COL19A1: variants seen among roughly 807,000 people sequenced by gnomAD.
COL19A1 encodes the protein collagen alpha-1(XIX) chain.
In COL19A1, 159 loss-of-function variants were observed where a neutral mutation model predicts 190.2. That is an observed-to-expected ratio of 0.84 (90% confidence interval 0.73 to 0.95). The LOEUF (loss-of-function observed/expected upper bound fraction) is 0.95, where lower values mean the gene tolerates loss of function less well. Ranked by LOEUF, COL19A1 falls within the 40% of genes least tolerant of loss-of-function variation. The probability of loss-of-function intolerance (pLI) is 0.00; values close to 1 mark genes in which losing one functional copy is unlikely to be tolerated. For missense variants in COL19A1, 1,418 were observed against 1,431.9 expected (o/e 0.99, Z 0.16); for synonymous variants, 509 against 458.9 (o/e 1.11, Z -1.39).
At chr6:70,193,696 T>C (rs899838619) in intron 48 of COL19A1, among the ~76,000 whole-genome samples, 25 of 152,220 alleles carry the variant, frequency 1.6e-4, no homozygotes, top group African/African-American at 5.3e-4. Context: ...CCTTTCCTTT[T>C]GTCTCTCTTG....
intron 11 of COL19A1, among the ~76,000 whole-genome samples, chr6:69,984,969 A>G (rs756729801): frequency 1.3e-5 from 2 of 152,166 alleles, no homozygotes; most frequent in Non-Finnish European, 2.9e-5. Context: ...GTAATTTAAG[A>G]GCTGCATTTA....
intron 15 of COL19A1, 144 bp from the exon 16 acceptor site, chr6:70,102,025 G>A: frequency 2.8e-6 from 2 of 716,278 alleles, no homozygotes; most frequent in Non-Finnish European, 2.4e-6. Context: ...TTTTAAAATT[G>A]ATATTTAAAA....
intron 15 of COL19A1, among the ~76,000 whole-genome samples, chr6:70,082,578 A>C (rs1303768932): frequency 2.0e-5 from 3 of 151,832 alleles, no homozygotes; most frequent in Non-Finnish European, 1.5e-5. Flanking sequence ...ACACCTGGCT[A>C]ATTTTGTATT....
At chr6:70,023,373 T>C (rs1328473297) in intron 11 of COL19A1, among the ~76,000 whole-genome samples, 1 of 152,166 alleles carries the variant, frequency 6.6e-6, no homozygotes, top group Non-Finnish European at 1.5e-5. Context: ...TGACCTCAAC[T>C]GATCCACCGG....
chr6:69,942,164 C>T (rs1001686492), intron 9 of COL19A1, among the ~76,000 whole-genome samples: 3 of 152,166 alleles, frequency 2.0e-5, no homozygotes, highest in African/African-American at 7.2e-5. Flanking sequence ...TTTGAGAATA[C>T]AACTTCCACA....
chr6:69,964,758 A>G (rs2150048655), intron 11 of COL19A1, among the ~76,000 whole-genome samples: 1 of 152,324 alleles, frequency 6.6e-6, no homozygotes, highest in Middle Eastern at 3.4e-3. Context: ...AGAAAAGACA[A>G]TATGTACCTT....
intron 15 of COL19A1, among the ~76,000 whole-genome samples, chr6:70,084,095 T>C (rs1782441748): frequency 6.6e-6 from 1 of 152,080 alleles, no homozygotes; most frequent in Non-Finnish European, 1.5e-5. Flanking sequence ...AAACAGATAA[T>C]CTATTATATG....
At chr6:70,095,625 A>G (rs991155005) in intron 15 of COL19A1, among the ~76,000 whole-genome samples, 10 of 152,168 alleles carry the variant, frequency 6.6e-5, no homozygotes, top group Non-Finnish European at 1.3e-4. Context: ...TGTGAAACAG[A>G]TCTCCAGAAC....
At chr6:69,991,430 A>T (rs1776616425) in intron 11 of COL19A1, among the ~76,000 whole-genome samples, 1 of 152,080 alleles carries the variant, frequency 6.6e-6, no homozygotes, top group South Asian at 2.1e-4. Flanking sequence ...TGCTGGGTCT[A>T]ATGGTAGTTT....
chr6:70,042,906 C>T (rs2150124970), intron 14 of COL19A1, among the ~76,000 whole-genome samples: 1 of 152,310 alleles, frequency 6.6e-6, no homozygotes, highest in Non-Finnish European at 1.5e-5. Context: ...GAGAGTGCAG[C>T]AATTCAGCCA....
chr6:70,040,719 T>G (rs1202346227), intron 14 of COL19A1, among the ~76,000 whole-genome samples: 3 of 152,176 alleles, frequency 2.0e-5, no homozygotes, highest in African/African-American at 7.2e-5. Context: ...AAGAGAAATC[T>G]GAGGCCTGTA....
chr6:69,921,823 T>G (rs1392861008), intron 4 of COL19A1, among the ~76,000 whole-genome samples: 1 of 151,488 alleles, frequency 6.6e-6, no homozygotes, highest in Non-Finnish European at 1.5e-5. Flanking sequence ...TAGATTCGTA[T>G]ATATATTCGT....
chr6:70,130,053 C>T, intron 17 of COL19A1, 129 bp from the exon 18 acceptor site: 1 of 824,028 alleles, frequency 1.2e-6, no homozygotes, highest in Non-Finnish European at 1.9e-6. Flanking sequence ...AAGATGTCTG[C>T]ACAAATGACC....
chr6:69,989,553 C>CTTTTTT lies in COL19A1; in HGVS notation c.1026+26694_1026+26699dup, dbSNP rs3072698. Among the ~76,000 whole-genome samples, 773 of 126,266 alleles carry CTTTTTT rather than the reference C, an allele frequency of 6.1e-3. 13 individuals carry two copies. The East Asian group carries it at 0.062, about 10-fold the overall frequency. 82.8% of individuals were successfully genotyped at this position (126,266 alleles called of 152,430 possible). A position where few individuals can be genotyped will look rare whatever the true frequency, so the allele number is the denominator to read the frequency against. On this transcript the variant is annotated intron_variant, in intron 11 of 50. Coordinates refer to ENST00000620364, the MANE Select transcript of COL19A1 (RefSeq NM_001858.6). ...AAACTAACATAATGAGAGTTTTTTA[C>CTTTTTT]TTTTTTTTTTTTTTTTGCTCATCAG...
chr6:69,992,694 G>T (rs1776696037), intron 11 of COL19A1, among the ~76,000 whole-genome samples: 2 of 151,932 alleles, frequency 1.3e-5, no homozygotes, highest in Admixed American at 1.3e-4. Flanking sequence ...CTATTCCCAG[G>T]TATTTTATTC....
At chr6:70,153,959 C>G (rs1368348842) in intron 31 of COL19A1, among the ~76,000 whole-genome samples, 1 of 152,012 alleles carries the variant, frequency 6.6e-6, no homozygotes, top group Non-Finnish European at 1.5e-5. Context: ...CTTTTTCACC[C>G]AGCATTTTTT....
chr6:69,913,611 A>C (rs924559574), intron 4 of COL19A1, among the ~76,000 whole-genome samples: 6 of 152,160 alleles, frequency 3.9e-5, no homozygotes, highest in African/African-American at 1.4e-4. Context: ...AGGTCAAAGC[A>C]ATTTGAGGAA....
intron 15 of COL19A1, among the ~76,000 whole-genome samples, chr6:70,074,103 T>C (rs1582845277): frequency 6.6e-6 from 1 of 152,292 alleles, no homozygotes; most frequent in East Asian, 1.9e-4. Context: ...TCAAGTGAAA[T>C]TGTGCCCTCA....
At chr6:70,203,546 C>T (rs1296921958) in intron 49 of COL19A1, among the ~76,000 whole-genome samples, 2 of 152,102 alleles carry the variant, frequency 1.3e-5, no homozygotes, top group African/African-American at 2.4e-5. Context: ...TTGTAAGGCA[C>T]GAGGCAACCC....
Sources: allele counts gnomAD v4.1 joint callset (sites outside exome capture counted in the v4.1 genomes callset), GRCh38; gene constraint gnomAD v4.1.1; transcripts MANE v1.5; gene names NCBI Gene and HGNC (gene_info 2026-07-23, HGNC 2026-07-21).